Variants in KIDINS220 observed in about 807,000 individuals in gnomAD.
KIDINS220 encodes the protein kinase D interacting substrate 220.
In KIDINS220, 63 loss-of-function variants were observed where a neutral mutation model predicts 157.6. That is an observed-to-expected ratio of 0.40 (90% CI 0.33 to 0.49). The LOEUF is 0.49. Among genes scored for constraint, KIDINS220 ranks in the 20% least tolerant of loss-of-function variants. The pLI is 0.66. For synonymous variants in KIDINS220, 732 were observed against 783.6 expected, an observed-to-expected ratio of 0.93 and a Z score of 1.10; for missense variants, 1,772 against 2,171.2, an observed-to-expected ratio of 0.82 and a Z score of 3.65.
intron 7 of KIDINS220, among the ~76,000 whole-genome samples, chr2:8,804,935 C>T (rs977814925): frequency 6.6e-6 from 1 of 152,102 alleles, no homozygotes; most frequent in Non-Finnish European, 1.5e-5. Context: ...CCAAGACTGC[C>T]CCCGCTTCCC....
intron 22 of KIDINS220, among the ~76,000 whole-genome samples, chr2:8,754,813 A>C (rs1667804353): frequency 6.6e-6 from 1 of 152,264 alleles, no homozygotes; most frequent in African/African-American, 2.4e-5. Context: ...ATTTATGAAG[A>C]AAGTATTATT....
chr2:8,827,478 A>G (rs767079126), intron 1 of KIDINS220, among the ~76,000 whole-genome samples: 8 of 152,104 alleles, frequency 5.3e-5, no homozygotes, highest in Admixed American at 1.3e-4. Context: ...GAAATTGTTC[A>G]TGACTTACCT....
chr2:8,826,881 T>G (rs1199044602), intron 2 of KIDINS220, 105 bp downstream of exon 2: 1 of 573,586 alleles, frequency 1.7e-6, no homozygotes, highest in Non-Finnish European at 3.1e-6. Flanking sequence ...AGTGCAGTAT[T>G]ACTAAGGGTT....
chr2:8,732,060 T>C (rs1467705264), intron 29 of KIDINS220, 78 bp from the exon 30 acceptor site: 4 of 1,251,922 alleles, frequency 3.2e-6, no homozygotes, highest in Non-Finnish European at 4.3e-6. Context: ...AGGAAATATA[T>C]ATGTACACTA....
At chr2:8,737,062 A>C in intron 26 of KIDINS220, 63 bp from the exon 27 acceptor site, 17 of 1,515,782 alleles carry the variant, frequency 1.1e-5, no homozygotes, top group East Asian at 2.3e-5. Flanking sequence ...TAATGAGGTC[A>C]TGTGACAGAG....
intron 22 of KIDINS220, among the ~76,000 whole-genome samples, chr2:8,756,006 T>C (rs971008246): frequency 1.3e-5 from 2 of 152,214 alleles, no homozygotes; most frequent in East Asian, 3.8e-4. Flanking sequence ...TTCCTGTTTC[T>C]GCAAAACAAG....
At chr2:8,814,483 A>G (rs1676769963) in intron 4 of KIDINS220, among the ~76,000 whole-genome samples, 1 of 147,306 alleles carries the variant, frequency 6.8e-6, no homozygotes, top group African/African-American at 2.5e-5. Flanking sequence ...ATGGATGGAC[A>G]GACAGATGAT....
intron 12 of KIDINS220, 65 bp downstream of exon 12, chr2:8,793,745 T>C: frequency 7.0e-7 from 1 of 1,436,950 alleles, no homozygotes; most frequent in Non-Finnish European, 9.4e-7. Flanking sequence ...GGCCTTATTT[T>C]CCATATTCTT....
At chr2:8,808,209 T>G (rs1675773293) in intron 6 of KIDINS220, among the ~76,000 whole-genome samples, 1 of 152,108 alleles carries the variant, frequency 6.6e-6, no homozygotes, top group Non-Finnish European at 1.5e-5. Context: ...AGAACTAAAT[T>G]CTCTTTTCTA....
At chr2:8,767,683 T>C (rs1669657503) in intron 22 of KIDINS220, among the ~76,000 whole-genome samples, 1 of 152,146 alleles carries the variant, frequency 6.6e-6, no homozygotes, top group South Asian at 2.1e-4. Flanking sequence ...CTACAAGAGG[T>C]ATGAGATGAC....
Position 8,793,790 on chromosome 2 carries a change from G to T in KIDINS220, c.1276+20C>A. ...ATTGATTATTTAAAAGCTCAGTTAG[G>T]AGCAAAACTCAATACTTACTGGCTC... On this transcript the variant is annotated intron_variant, in intron 12 of 29. Transcript: ENST00000256707. The T allele has an allele frequency of 6.4e-7, 1 of 1,562,442 alleles. No homozygotes were observed. Among genetic ancestry groups the T allele is most frequent in the Non-Finnish European group, 8.7e-7 (1 of 1,154,530 alleles).
chr2:8,780,184 A>G (rs1001379877), intron 17 of KIDINS220, among the ~76,000 whole-genome samples: 2 of 152,238 alleles, frequency 1.3e-5, no homozygotes, highest in African/African-American at 4.8e-5. Context: ...CCCTGATGGC[A>G]TCTGACCTTT....
chr2:8,778,971 G>C lies in KIDINS220; in HGVS notation c.2539C>G (p.Arg847Gly), dbSNP rs778173916. The C allele has an allele frequency of 2.3e-5, 37 of 1,613,940 alleles. No individual in the cohort carries two copies. Among genetic ancestry groups the C allele is most frequent in the Non-Finnish European group, 3.1e-5 (36 of 1,179,976 alleles). Residue 847 changes from arginine (R) to glycine (G), a missense_variant, in exon 19 of 30, where the codon CGT becomes GGT. Arg to Gly is a moderately radical substitution (Grantham distance 125). Around this residue, in one of 3 missense-constraint regions of KIDINS220, gnomAD observed 725 missense variants for 1,017.1 expected, o/e 0.71. Transcript: ENST00000256707. The part of the protein sequence containing the change: ...IVHLPVFLNS[R>G]GLSNARKFLV... ...AATTTTCTTGCATTGCTTAGTCCACGACTATTAAGGAACACAGGCAAGTGG... is the reference window on the plus strand; with the variant it reads ...AATTTTCTTGCATTGCTTAGTCCACCACTATTAAGGAACACAGGCAAGTGG...
intron 9 of KIDINS220, chr2:8,800,133 G>A: frequency 3.0e-6 from 1 of 329,814 alleles, no homozygotes; most frequent in Non-Finnish European, 5.5e-6. Flanking sequence ...TAGTTCTGAG[G>A]ATTGAATCTA....
intron 4 of KIDINS220, 120 bp from the exon 5 acceptor site, chr2:8,813,455 T>A: frequency 1.5e-6 from 1 of 664,760 alleles, no homozygotes; most frequent in Non-Finnish European, 2.5e-6. Context: ...ATGATGGTAG[T>A]ATTATATAGT....
At chr2:8,789,328 C>G (rs1309134742) in intron 14 of KIDINS220, among the ~76,000 whole-genome samples, 1 of 128,568 alleles carries the variant, frequency 7.8e-6, no homozygotes, top group Non-Finnish European at 1.7e-5. Context: ...CGCTCTGTTG[C>G]CCAGGCTGGA....
At chr2:8,819,491 T>C (rs1677586660) in intron 2 of KIDINS220, among the ~76,000 whole-genome samples, 1 of 152,144 alleles carries the variant, frequency 6.6e-6, no homozygotes, top group African/African-American at 2.4e-5. Context: ...ACAAAAGTTA[T>C]CATTTTCTGT....
rs70946383 is a variant in KIDINS220, at chr2:8,781,153, A to ATATATATATAATATATATAT, written c.2230-1340_2230-1339insATATATATATTATATATATA. Among the ~76,000 whole-genome samples the ATATATATATAATATATATAT allele has an allele frequency of 8.4e-5, 11 of 130,392 alleles. No homozygotes were observed. In the South Asian group the frequency reaches 2.0e-3, roughly 24 times the overall value. 85.5% of individuals were successfully genotyped at this position (130,392 alleles called of 152,430 possible). A position where few individuals can be genotyped will look rare whatever the true frequency, so the allele number is the denominator to read the frequency against. On this transcript the variant is annotated intron_variant, in intron 17 of 29. Coordinates refer to ENST00000256707, the MANE Select transcript of KIDINS220 (RefSeq NM_020738.4). ...ACTATATTAATTATTATATATATAT[A>ATATATATATAATATATATAT]ATATATATATATTAAAGGGGGGCAT...
intron 10 of KIDINS220, among the ~76,000 whole-genome samples, chr2:8,797,153 A>G (rs1382022430): frequency 1.3e-5 from 2 of 152,156 alleles, no homozygotes; most frequent in Admixed American, 6.5e-5. Flanking sequence ...AGGTTCTACC[A>G]CTGACCTGGG....
Sources: gnomAD v4.1 joint callset for allele counts (sites outside exome capture counted in the v4.1 genomes callset) on GRCh38, gnomAD v4.1.1 for gene constraint, gnomAD v4.1.1 regional missense constraint, MANE v1.5 for transcripts, NCBI Gene and HGNC (gene_info 2026-07-23, HGNC 2026-07-21) for gene names.